The following SPIDR variants were observed in gnomAD, a reference collection of about 807,000 sequenced individuals.
SPIDR encodes the protein DNA repair-scaffolding protein.
Under a neutral mutation model 104.6 loss-of-function variants are expected in SPIDR, and 93 were observed. The observed-to-expected ratio is 0.89, with a 90% CI of 0.75 to 1.06. The LOEUF (loss-of-function observed/expected upper bound fraction) is 1.06. Ranked by LOEUF, SPIDR falls within the 50% of genes least tolerant of loss-of-function variation. The pLI is 0.00. For synonymous variants in SPIDR, 431 were observed against 416.9 expected (o/e 1.03, Z -0.41); for missense variants, 1,154 against 1,111.2 (o/e 1.04, Z -0.55).
rs1291110400 is a variant in SPIDR, at chr8:47,549,849, G to C, written c.1098-45962G>C. On this transcript the variant is annotated intron_variant, in intron 8 of 19. Coordinates refer to ENST00000297423, the MANE Select transcript of SPIDR (RefSeq NM_001080394.4). ...TCATGGAGTCCTTGCCCATGCCTAT[G>C]TCCTGAATGGTATTGCCTAGGTTTT... 3.3e-5 allele frequency among the ~76,000 whole-genome samples: 5 copies of C among 152,302 alleles called. No individual in the cohort carries two copies. The East Asian group carries it at 5.8e-4, about 18-fold the overall frequency.
chr8:47,365,441 G>A (rs1368926631), intron 5 of SPIDR, among the ~76,000 whole-genome samples: 1 of 152,198 alleles, frequency 6.6e-6, no homozygotes, highest in Non-Finnish European at 1.5e-5. Context: ...CATGCCTCGG[G>A]TCTTTCCGAG....
intron 2 of SPIDR, 23 bp from the exon 3 acceptor site, chr8:47,284,005 C>A: frequency 6.4e-7 from 1 of 1,569,412 alleles, no homozygotes; most frequent in Non-Finnish European, 8.6e-7. Context: ...ACATAAATTC[C>A]ATGATTATTA....
intron 8 of SPIDR, among the ~76,000 whole-genome samples, chr8:47,557,204 C>T (rs2091426019): frequency 1.3e-5 from 2 of 152,072 alleles, no homozygotes; most frequent in African/African-American, 4.8e-5. Context: ...GAGTCAAGTT[C>T]AGATACTGTG....
At chr8:47,337,901 G>A (rs1228798502) in intron 5 of SPIDR, among the ~76,000 whole-genome samples, 1 of 152,124 alleles carries the variant, frequency 6.6e-6, no homozygotes, top group Non-Finnish European at 1.5e-5. Flanking sequence ...AGGTGTATAG[G>A]TTTATTTCTG....
chr8:47,592,607 A>G (rs1217966435), intron 8 of SPIDR: 15 of 1,192,768 alleles, frequency 1.3e-5, no homozygotes, highest in South Asian at 6.5e-5. Flanking sequence ...CAGCCCTGCC[A>G]TCTTATCAGA....
intron 8 of SPIDR, among the ~76,000 whole-genome samples, chr8:47,503,324 T>TA (rs1207565708): frequency 6.6e-6 from 1 of 152,220 alleles, no homozygotes; most frequent in Admixed American, 6.5e-5. Context: ...GGTGCTCCTG[T>TA]ATTGGGTGCA....
chr8:47,538,861 T>C (rs990954109), intron 8 of SPIDR, among the ~76,000 whole-genome samples: 8 of 139,756 alleles, frequency 5.7e-5, no homozygotes, highest in Non-Finnish European at 7.8e-5. Context: ...TCTTTTCTTT[T>C]TTTTTTTTTT....
chr8:47,528,283 T>C (rs942843832), intron 8 of SPIDR: 10 of 152,116 alleles, frequency 6.6e-5, no homozygotes, highest in Admixed American at 3.9e-4. Flanking sequence ...ACATATCTCA[T>C]GTAAAATGGG....
intron 5 of SPIDR, among the ~76,000 whole-genome samples, chr8:47,343,044 G>C (rs957374538): frequency 1.3e-5 from 2 of 152,158 alleles, no homozygotes; most frequent in East Asian, 3.9e-4. Flanking sequence ...TATCATCCAT[G>C]TTAACTCTTA....
intron 8 of SPIDR, among the ~76,000 whole-genome samples, chr8:47,553,452 C>T (rs562127247): frequency 6.6e-6 from 1 of 152,218 alleles, no homozygotes; most frequent in South Asian, 2.1e-4. Context: ...TCTTTTTACT[C>T]TTTTTTCTCT....
At chr8:47,533,787 A>G (rs1450573541) in intron 8 of SPIDR, among the ~76,000 whole-genome samples, 1 of 152,256 alleles carries the variant, frequency 6.6e-6, no homozygotes, top group East Asian at 1.9e-4. Context: ...GCGAGGCTGC[A>G]GAGAAAAGGG....
At chr8:47,659,661 G>C (rs950650560) in intron 10 of SPIDR, 5 of 864,762 alleles carry the variant, frequency 5.8e-6, no homozygotes, top group Non-Finnish European at 6.5e-6. Flanking sequence ...TCTCGCCCCC[G>C]CCTTTTCTCA....
chr8:47,357,086 G>A (rs1179732887), intron 5 of SPIDR, among the ~76,000 whole-genome samples: 2 of 152,186 alleles, frequency 1.3e-5, no homozygotes, highest in Non-Finnish European at 2.9e-5. Flanking sequence ...GAATCCCATT[G>A]TGTTCTACTA....
At chr8:47,404,325 G>A (rs1056673810) in intron 6 of SPIDR, among the ~76,000 whole-genome samples, 7 of 152,178 alleles carry the variant, frequency 4.6e-5, no homozygotes, top group African/African-American at 1.4e-4. Context: ...AAAAGCAATG[G>A]CAACAAAAGC....
At chr8:47,718,326 AAC>A (rs745481356) in intron 16 of SPIDR, among the ~76,000 whole-genome samples, 12 of 152,244 alleles carry the variant, frequency 7.9e-5, no homozygotes, top group Non-Finnish European at 1.2e-4. Flanking sequence ...CAGGGGAGGA[AAC>A]ATGCTCTGAT....
At chr8:47,329,716 T>G (rs1420998575) in intron 5 of SPIDR, among the ~76,000 whole-genome samples, 2 of 152,216 alleles carry the variant, frequency 1.3e-5, no homozygotes, top group East Asian at 3.8e-4. Context: ...ATTTTGTCTT[T>G]TATAGAAGGG....
At chr8:47,533,257 A>G (rs976225296) in intron 8 of SPIDR, among the ~76,000 whole-genome samples, 2 of 152,154 alleles carry the variant, frequency 1.3e-5, no homozygotes, top group Non-Finnish European at 2.9e-5. Flanking sequence ...AATAAATAAG[A>G]TAATAAAAAT....
Position 47,729,071 on chromosome 8 carries a change from A to G in SPIDR, c.2550+24A>G, listed in dbSNP as rs759248212. On this transcript the variant is annotated intron_variant, in intron 18 of 19. Transcript: ENST00000297423. ...AGGTAGGAGCCAGGCCAGAGCACGC[A>G]CGCACTCCTAGCTCACTCCAACATA... The G allele has an allele frequency of 2.5e-6, 4 of 1,612,120 alleles. No individual in the cohort carries two copies. The South Asian group carries it at 4.4e-5, about 18-fold the overall frequency.
intron 5 of SPIDR, among the ~76,000 whole-genome samples, chr8:47,353,966 T>A (rs868926712): frequency 1.1e-4 from 17 of 152,020 alleles, no homozygotes; most frequent in African/African-American, 3.6e-4. Context: ...GGTTATGGGG[T>A]TTTTTTGCTT....
Sources: allele counts gnomAD v4.1 joint callset (sites outside exome capture counted in the v4.1 genomes callset), GRCh38; gene constraint gnomAD v4.1.1; transcripts MANE v1.5; gene names NCBI Gene and HGNC (gene_info 2026-07-23, HGNC 2026-07-21).